Variants in NRP1 observed in about 807,000 individuals in gnomAD.
The protein encoded by NRP1 is neuropilin-1.
NRP1 carries 35 observed loss-of-function variants against 106.7 expected under a neutral mutation model. That is an observed-to-expected ratio of 0.33 (90% CI 0.25 to 0.43). The LOEUF is 0.43. NRP1 is among the 20% of genes least tolerant of loss of function. The pLI is 1.00. For missense variants in NRP1, 1,024 were observed against 1,170.4 expected, an observed-to-expected ratio of 0.87 and a Z score of 1.83; for synonymous variants, 437 against 417.9, an observed-to-expected ratio of 1.05 and a Z score of -0.56.
rs1848508999 is a variant in NRP1 at position 33,334,573 on chromosome 10, T to C, written c.-191A>G. 2.0e-6 allele frequency: 1 copy of C among 492,018 alleles called. No homozygotes were observed. Among genetic ancestry groups the C allele is most frequent in the Non-Finnish European group, 3.5e-6 (1 of 281,848 alleles). 30.5% of individuals were successfully genotyped at this position (492,018 alleles called of 1,614,324 possible). A position where few individuals can be genotyped will look rare whatever the true frequency, so the allele number is the denominator to read the frequency against. On this transcript the variant is annotated 5_prime_UTR_variant, in exon 1 of 17. Coordinates refer to ENST00000374867, the MANE Select transcript of NRP1 (RefSeq NM_003873.7). ...CGAGAGGAACGCTTCTCTTTTTGTG[T>C]CTCAAGTCGCCTGCATCCTGTCATT... is the stretch of plus-strand genomic sequence containing the variant.
rs1453599307 is a variant in NRP1 at position 33,178,394 on chromosome 10, C to T, written c.*1682G>A. On this transcript the variant is annotated 3_prime_UTR_variant, in exon 17 of 17. Transcript: ENST00000374867. ...TAGATGTTGCCAGCCCTAAGGCAGG[C>T]TTATTCTTTGTGAGCCGCTGGAAGT... is the stretch of plus-strand genomic sequence containing the variant. 1 of 152,180 alleles carries T rather than the reference C, an allele frequency of 6.6e-6. No homozygotes were observed. Among genetic ancestry groups the T allele is most frequent in the Admixed American group, 6.5e-5 (1 of 15,288 alleles). 9.4% of individuals were successfully genotyped at this position (152,180 alleles called of 1,614,324 possible). A position where few individuals can be genotyped will look rare whatever the true frequency, so the allele number is the denominator to read the frequency against.
At chr10:33,308,852 A>C (rs1035885101) in intron 2 of NRP1, among the ~76,000 whole-genome samples, 18 of 152,196 alleles carry the variant, frequency 1.2e-4, no homozygotes, top group African/African-American at 3.4e-4. Context: ...AATATATGCC[A>C]AAAATATATA....
intron 7 of NRP1, 124 bp downstream of exon 7, chr10:33,226,010 A>G (rs1839634458): frequency 9.3e-7 from 1 of 1,071,808 alleles, no homozygotes; most frequent in East Asian, 2.4e-5. Flanking sequence ...CTCTAATTGC[A>G]CTTTTCATTT....
intron 3 of NRP1, 71 bp downstream of exon 3, chr10:33,270,603 AG>A (rs1265190770): frequency 5.9e-6 from 8 of 1,347,052 alleles, no homozygotes; most frequent in Non-Finnish European, 8.1e-6. Flanking sequence ...CTGAGATTAC[AG>A]GGGTGAGCCA....
At chr10:33,184,267 C>T (rs147979385) in intron 15 of NRP1, among the ~76,000 whole-genome samples, 2,474 of 152,296 alleles carry the variant, frequency 0.016, 60 homozygotes, top group African/African-American at 0.056. Context: ...CCTCCTGCCT[C>T]GGCCTCCCAA....
chr10:33,249,579 G>A (rs1478934915), intron 6 of NRP1: 5 of 489,340 alleles, frequency 1.0e-5, no homozygotes, highest in Admixed American at 2.4e-5. Flanking sequence ...ACAAAGAAAG[G>A]AAAAAGGTAA....
intron 12 of NRP1, chr10:33,195,325 C>T (rs1018849308): frequency 3.1e-5 from 11 of 355,794 alleles, no homozygotes; most frequent in Admixed American, 1.5e-4. Context: ...TTAGAGCTCT[C>T]GCCAGAGAGA....
intron 2 of NRP1, among the ~76,000 whole-genome samples, chr10:33,312,245 A>G (rs1372508741): frequency 1.3e-5 from 2 of 152,252 alleles, no homozygotes; most frequent in African/African-American, 4.8e-5. Context: ...AAACACATCT[A>G]TGTTTAAATT....
chr10:33,207,801 C>A (rs1240609932), intron 9 of NRP1, 85 bp from the exon 10 acceptor site: 5 of 1,470,124 alleles, frequency 3.4e-6, no homozygotes, highest in Non-Finnish European at 4.7e-6. Context: ...TCCTTCAGGA[C>A]TCTGAATAAG....
At chr10:33,326,683 T>C (rs74129657) in intron 2 of NRP1, among the ~76,000 whole-genome samples, 2,910 of 152,308 alleles carry the variant, frequency 0.019, 77 homozygotes, top group African/African-American at 0.064. Context: ...TGCTTATTTG[T>C]AATGAAACCT....
intron 6 of NRP1, among the ~76,000 whole-genome samples, chr10:33,246,576 T>C (rs543288948): frequency 5.6e-5 from 6 of 107,004 alleles, no homozygotes; most frequent in Admixed American, 1.0e-4. Context: ...TAGTATTAGT[T>C]GCAATAAACA....
intron 9 of NRP1, chr10:33,213,027 G>T (rs150236123): frequency 3.6e-6 from 2 of 553,580 alleles, no homozygotes; most frequent in East Asian, 2.9e-5. Context: ...GGTTTGAGAT[G>T]GGGGGAGGGC....
intron 2 of NRP1, among the ~76,000 whole-genome samples, chr10:33,279,506 G>T (rs962967148): frequency 6.6e-6 from 1 of 152,132 alleles, no homozygotes; most frequent in Non-Finnish European, 1.5e-5. Context: ...ATTTCCACAG[G>T]CTTCTGGAAA....
At chr10:33,185,005 A>G (rs548554874) in intron 15 of NRP1, among the ~76,000 whole-genome samples, 3 of 152,340 alleles carry the variant, frequency 2.0e-5, no homozygotes, top group East Asian at 3.9e-4. Context: ...TTGTAATTAT[A>G]TATCAAGAAC....
At chr10:33,240,184 G>C (rs1840905586) in intron 6 of NRP1, among the ~76,000 whole-genome samples, 1 of 152,122 alleles carries the variant, frequency 6.6e-6, no homozygotes, top group South Asian at 2.1e-4. Flanking sequence ...CCAAGGTGAA[G>C]TTATTCACAC....
At chr10:33,225,844 T>C (rs1839618580) in intron 7 of NRP1, among the ~76,000 whole-genome samples, 2 of 152,232 alleles carry the variant, frequency 1.3e-5, no homozygotes, top group Admixed American at 6.5e-5. Context: ...GGACAGTGTT[T>C]ATCCCACGCA....
chr10:33,320,348 C>G (rs1216813368), intron 2 of NRP1, among the ~76,000 whole-genome samples: 1 of 151,346 alleles, frequency 6.6e-6, no homozygotes, highest in Admixed American at 6.6e-5. Flanking sequence ...GGGACCCAGT[C>G]TCTCTCCAGA....
At position 33,197,656 on chromosome 10, in the gene NRP1, G is replaced by A; in HGVS notation, c.1918C>T (p.Gln640Ter). 1 of 1,603,298 alleles carries A rather than the reference G, an allele frequency of 6.2e-7. No individual in the cohort carries two copies. Among genetic ancestry groups the A allele is most frequent in the Non-Finnish European group, 8.5e-7 (1 of 1,174,604 alleles). The change falls in exon 12 of 17, where the codon CAA becomes TAA. Residue 640 changes from glutamine to a stop codon, truncating the protein, a stop_gained. Coordinates refer to ENST00000374867, the MANE Select transcript of NRP1 (RefSeq NM_003873.7). LOFTEE classifies it high-confidence loss of function. The stretch of plus-strand genomic sequence containing the variant: ...TTCGTATTTTATTTGATACCTGATT[G>A]TATGGTGCTGTCTATGACCGTGGGC... ...EKPTVIDSTIQSEFPTYGFNC... is the reference protein window; with the variant it reads ...EKPTVIDSTI
chr10:33,225,406 G>C (rs566903203), intron 7 of NRP1, among the ~76,000 whole-genome samples: 2 of 152,326 alleles, frequency 1.3e-5, no homozygotes, highest in South Asian at 4.1e-4. Context: ...GTTTTGCTCA[G>C]CCTCCAGGGC....
Sources: gnomAD v4.1 joint callset for allele counts (sites outside exome capture counted in the v4.1 genomes callset) on GRCh38, gnomAD v4.1.1 for gene constraint, MANE v1.5 for transcripts, NCBI Gene and HGNC (gene_info 2026-07-23, HGNC 2026-07-21) for gene names.